OLFM3: variants seen among roughly 807,000 people sequenced by gnomAD.
The protein encoded by OLFM3 is noelin-3.
Under a neutral mutation model 48.6 loss-of-function variants are expected in OLFM3, and 20 were observed. The observed-to-expected ratio is 0.41, with a 90% CI of 0.29 to 0.60. The LOEUF (loss-of-function observed/expected upper bound fraction) is 0.60. Ranked by LOEUF, OLFM3 falls within the 20% of genes least tolerant of loss-of-function variation. The pLI is 0.28. For synonymous variants in OLFM3, 222 were observed against 198.1 expected, an observed-to-expected ratio of 1.12 and a Z score of -1.01; for missense variants, 437 against 544.3, an observed-to-expected ratio of 0.80 and a Z score of 1.96.
At chr1:101,959,149 T>C (rs1660390969) in intron 1 of OLFM3, among the ~76,000 whole-genome samples, 1 of 151,922 alleles carries the variant, frequency 6.6e-6, no homozygotes, top group African/African-American at 2.4e-5. Flanking sequence ...ACCTATAAAC[T>C]GCATGTGAGG....
chr1:101,871,843 A>G (rs553647533), intron 1 of OLFM3, among the ~76,000 whole-genome samples: 4 of 152,236 alleles, frequency 2.6e-5, no homozygotes, highest in Admixed American at 2.0e-4. Flanking sequence ...AATTATTTAA[A>G]ACATATGTAT....
intron 1 of OLFM3, among the ~76,000 whole-genome samples, chr1:101,979,366 T>A (rs998179422): frequency 6.6e-6 from 1 of 152,164 alleles, no homozygotes; most frequent in African/African-American, 2.4e-5. Flanking sequence ...GTAATTCCTA[T>A]AATCCCCACG....
intron 1 of OLFM3, among the ~76,000 whole-genome samples, chr1:101,907,911 C>T (rs1658606386): frequency 6.6e-6 from 1 of 152,148 alleles, no homozygotes; most frequent in African/African-American, 2.4e-5. Context: ...TGTCTACATA[C>T]CTATTAGCCT....
chr1:101,821,044 C>G (rs149805200), intron 4 of OLFM3, among the ~76,000 whole-genome samples: 2,502 of 152,168 alleles, frequency 0.016, 35 homozygotes, highest in Middle Eastern at 0.024. Context: ...TTTGGAACAA[C>G]TGAACCCCTG....
intron 1 of OLFM3, among the ~76,000 whole-genome samples, chr1:101,871,317 A>G (rs1657076641): frequency 6.6e-6 from 1 of 152,178 alleles, no homozygotes; most frequent in African/African-American, 2.4e-5. Flanking sequence ...AGATCCCAAC[A>G]GAGAAAACAC....
At chr1:101,934,062 T>C (rs958514012) in intron 1 of OLFM3, among the ~76,000 whole-genome samples, 1 of 151,758 alleles carries the variant, frequency 6.6e-6, no homozygotes, top group Non-Finnish European at 1.5e-5. Context: ...TACAATCATG[T>C]CTGCATAATA....
At chr1:101,828,763 T>G (rs970549184) in intron 3 of OLFM3, among the ~76,000 whole-genome samples, 2 of 152,144 alleles carry the variant, frequency 1.3e-5, no homozygotes, top group Admixed American at 6.5e-5. Context: ...TGAACTCCTC[T>G]CCTCCTGACT....
At chr1:101,864,131 C>A (rs1280362687) in intron 1 of OLFM3, among the ~76,000 whole-genome samples, 1 of 152,086 alleles carries the variant, frequency 6.6e-6, no homozygotes, top group Non-Finnish European at 1.5e-5. Context: ...ACTGAATTAG[C>A]TCATATGCAA....
intron 1 of OLFM3, among the ~76,000 whole-genome samples, chr1:101,921,609 C>T (rs1383157612): frequency 2.0e-5 from 3 of 152,150 alleles, no homozygotes; most frequent in African/African-American, 7.2e-5. Context: ...GAGTTCTATC[C>T]TCAACTACAG....
chr1:101,821,079 T>C (rs1342499264), intron 4 of OLFM3, among the ~76,000 whole-genome samples: 1 of 152,072 alleles, frequency 6.6e-6, no homozygotes, highest in Non-Finnish European at 1.5e-5. Flanking sequence ...CTCTACCCTT[T>C]CTGTTAATGG....
intron 4 of OLFM3, among the ~76,000 whole-genome samples, chr1:101,816,551 A>C (rs1436777825): frequency 6.6e-6 from 1 of 152,158 alleles, no homozygotes; most frequent in Non-Finnish European, 1.5e-5. Context: ...GGTATATTCC[A>C]TCCAGGTTTG....
chr1:101,967,585 T>A (rs1660649307), intron 1 of OLFM3, among the ~76,000 whole-genome samples: 1 of 48,496 alleles, frequency 2.1e-5, no homozygotes. Flanking sequence ...TCCATCCTAG[T>A]CAGTGAAAAA....
chr1:101,873,559 AGGT>A, intron 1 of OLFM3, among the ~76,000 whole-genome samples: 1 of 152,008 alleles, frequency 6.6e-6, no homozygotes, highest in South Asian at 2.1e-4. Context: ...GCTGGGGCCC[AGGT>A]GGGGGGTGCA....
At chr1:101,906,360 G>T (rs956468815) in intron 1 of OLFM3, among the ~76,000 whole-genome samples, 1 of 152,010 alleles carries the variant, frequency 6.6e-6, no homozygotes, top group African/African-American at 2.4e-5. Flanking sequence ...AATATTTTCA[G>T]CTGTGCATTG....
chr1:101,805,839 T>TA (rs1205598909), intron 5 of OLFM3, among the ~76,000 whole-genome samples: 2 of 151,774 alleles, frequency 1.3e-5, no homozygotes, highest in Non-Finnish European at 2.9e-5. Flanking sequence ...AAAACATGAC[T>TA]AAAATCAATA....
chr1:101,871,998 A>G (rs1210375699), intron 1 of OLFM3, among the ~76,000 whole-genome samples: 3 of 152,084 alleles, frequency 2.0e-5, no homozygotes, highest in South Asian at 2.1e-4. Context: ...TTAAAGATTT[A>G]TGAAATATGT....
chr1:101,838,617 T>G (rs1655551150), intron 1 of OLFM3, among the ~76,000 whole-genome samples: 1 of 152,176 alleles, frequency 6.6e-6, no homozygotes, highest in Admixed American at 6.5e-5. Context: ...TCTCCTGATA[T>G]TCCATTAAAA....
intron 1 of OLFM3, among the ~76,000 whole-genome samples, chr1:101,990,711 C>T (rs980320882): frequency 5.9e-5 from 9 of 151,760 alleles, no homozygotes; most frequent in African/African-American, 1.7e-4. Flanking sequence ...GGTGGCCGGG[C>T]GCGGTGGCTC....
chr1:101,832,646 C>T (rs1440932155), intron 2 of OLFM3, among the ~76,000 whole-genome samples: 5 of 152,158 alleles, frequency 3.3e-5, no homozygotes, highest in Non-Finnish European at 4.4e-5. Flanking sequence ...TTTCCAAGAC[C>T]TTACACGGAA....
Sources: allele counts gnomAD v4.1 joint callset (sites outside exome capture counted in the v4.1 genomes callset), GRCh38; gene constraint gnomAD v4.1.1; transcripts MANE v1.5; gene names NCBI Gene and HGNC (gene_info 2026-07-23, HGNC 2026-07-21).